Variants in MORC2 observed in about 807,000 individuals in gnomAD.
MORC2 encodes the protein ATPase MORC2.
MORC2 carries 30 observed loss-of-function variants against 136.0 expected under a neutral mutation model. The observed-to-expected ratio is 0.22, with a 90% CI of 0.17 to 0.30. The LOEUF (loss-of-function observed/expected upper bound fraction) is 0.30. Among genes scored for constraint, MORC2 ranks in the 10% least tolerant of loss-of-function variants. The pLI is 1.00. For missense variants in MORC2, 922 were observed against 1,333.1 expected, an observed-to-expected ratio of 0.69 and a Z score of 4.80; for synonymous variants, 439 against 487.0, an observed-to-expected ratio of 0.90 and a Z score of 1.30.
At position 30,937,459 on chromosome 22, in the gene MORC2, T is replaced by C; in HGVS notation, c.1498+124A>G. On this transcript the variant is annotated intron_variant, in intron 15 of 25. Transcript: ENST00000397641. The surrounding 1 kb of genome is among the most constrained non-coding windows in gnomAD (Gnocchi z 4.7). ...CTCACAGGGCCATCGTCAAACAGAC[T>C]TGGATCCCTAGGGGACTGTAAGTCC... 1 of 1,428,400 alleles carries C rather than the reference T, an allele frequency of 7.0e-7. No individual in the cohort carries two copies. The highest frequency in any genetic ancestry group is 1.4e-5 in the South Asian group (1 of 73,542). 88.5% of individuals were successfully genotyped at this position (1,428,400 alleles called of 1,614,324 possible).
intron 1 of MORC2, among the ~76,000 whole-genome samples, chr22:30,963,966 T>A (rs1481468091): frequency 1.3e-5 from 2 of 152,196 alleles, no homozygotes; most frequent in Non-Finnish European, 2.9e-5. Flanking sequence ...GGCTTTAATA[T>A]ATTTAAGATA....
chr22:30,927,076 G>A (rs968179873), intron 25 of MORC2, among the ~76,000 whole-genome samples: 7 of 151,602 alleles, frequency 4.6e-5, no homozygotes, highest in African/African-American at 1.2e-4. Context: ...GATTTCCTAC[G>A]CCCACCCTGC....
chr22:30,929,179 G>A (rs577402011), intron 24 of MORC2, among the ~76,000 whole-genome samples: 12 of 152,338 alleles, frequency 7.9e-5, no homozygotes, highest in Admixed American at 7.8e-4. Context: ...TGCCTTGGCA[G>A]CACAAAATAA....
At chr22:30,960,898 T>C (rs959375556) in intron 1 of MORC2, among the ~76,000 whole-genome samples, 4 of 150,648 alleles carry the variant, frequency 2.7e-5, no homozygotes, top group South Asian at 2.1e-4. Flanking sequence ...AGAGTCTCAC[T>C]GCGTCGCCCA....
rs77813344 is a variant in MORC2 at position 30,933,847 on chromosome 22, T to A, written c.2325+213A>T. Among the ~76,000 whole-genome samples, 353 of 152,278 alleles carry A rather than the reference T, an allele frequency of 2.3e-3. 1 individual carries two copies. Among genetic ancestry groups the A allele is most frequent in the South Asian group, 5.0e-3 (24 of 4,830 alleles). On this transcript the variant is annotated intron_variant, in intron 20 of 25. Coordinates refer to ENST00000397641, the MANE Select transcript of MORC2 (RefSeq NM_001303256.3). ...CACCATGTTTAGTCACTTGTGTAAC[T>A]GAGAGTCCTTGAGAGATCACTAGGC...
At chr22:30,962,675 T>C (rs538961590) in intron 1 of MORC2, among the ~76,000 whole-genome samples, 1 of 151,854 alleles carries the variant, frequency 6.6e-6, no homozygotes, top group Admixed American at 6.5e-5. Context: ...ATATTTCAGA[T>C]AAGCTAACAG....
intron 20 of MORC2, 75 bp downstream of exon 20, chr22:30,933,984 TG>T: frequency 1.3e-6 from 2 of 1,494,000 alleles, no homozygotes; most frequent in Non-Finnish European, 1.8e-6. Flanking sequence ...AGACTGCTGA[TG>T]GGGGGTGCAG....
chr22:30,960,372 G>C (rs546836414), intron 1 of MORC2, among the ~76,000 whole-genome samples: 4 of 152,252 alleles, frequency 2.6e-5, no homozygotes, highest in South Asian at 4.2e-4. Context: ...AAGGCAGCAC[G>C]ACAAATATGT....
chr22:30,934,698 C>T lies in MORC2; in HGVS notation c.2193+83G>A. 1 of 1,534,184 alleles carries T rather than the reference C, an allele frequency of 6.5e-7. No individual in the cohort carries two copies. Among genetic ancestry groups the T allele is most frequent in the Non-Finnish European group, 8.9e-7 (1 of 1,129,576 alleles). On this transcript the variant is annotated intron_variant, in intron 19 of 25. Transcript: ENST00000397641. The surrounding 1 kb of genome is among the most constrained non-coding windows in gnomAD (Gnocchi z 4.4). ...AGATTCAGTATCTTCCGAAGGCTCC[C>T]CCAGTACAGCTGTGACACTGCACAA...
intron 10 of MORC2, 105 bp from the exon 11 acceptor site, chr22:30,940,146 A>G: frequency 3.5e-6 from 4 of 1,135,992 alleles, no homozygotes; most frequent in Admixed American, 2.1e-5. Context: ...ACCACCAAGG[A>G]AAAAAAGAGT....
rs1425818676 is a variant in MORC2 at position 30,942,158 on chromosome 22, A to C, written c.540T>G (p.Thr180=). The C allele has an allele frequency of 6.2e-7, 1 of 1,614,162 alleles. No homozygotes were observed. The highest frequency in any genetic ancestry group is 1.7e-5 in the Admixed American group (1 of 60,018). ...TAAACTGGGTCATCACTTCCTCCTC[A>C]GTGCGGAATGGAGAGTACTTATAGA... The part of the protein sequence containing the change: ...ELIYKYSPFR[T]EEEVMTQFMK... Residue 180 remains threonine, a synonymous_variant, in exon 7 of 26, where the codon ACT becomes ACG. Coordinates refer to ENST00000397641, the MANE Select transcript of MORC2 (RefSeq NM_001303256.3).
At chr22:30,933,366 GA>G in intron 21 of MORC2, 99 bp downstream of exon 21, 1 of 1,343,064 alleles carries the variant, frequency 7.4e-7, no homozygotes, top group Non-Finnish European at 1.0e-6. Flanking sequence ...ACCCAGGACA[GA>G]TTCAATGAGC....
intron 1 of MORC2, among the ~76,000 whole-genome samples, chr22:30,959,693 T>G (rs1043984334): frequency 6.6e-6 from 1 of 152,176 alleles, no homozygotes; most frequent in Admixed American, 6.6e-5. Context: ...ACATAATACA[T>G]GACCATCAAT....
At chr22:30,967,643 A>C in intron 1 of MORC2, 179 bp downstream of exon 1, 1 of 1,391,916 alleles carries the variant, frequency 7.2e-7, no homozygotes, top group Non-Finnish European at 9.3e-7. Context: ...TGGATTAGCA[A>C]CAAGTATTTC....
chr22:30,968,407 G>A lies in MORC2; in HGVS notation c.-518C>T, dbSNP rs754659746. Reference sequence around the variant, plus strand: ...ATTCTTAAACAGGCCCAAGACCGGAGACCAAGATGTCGACGGAGTGTTATA... The same window carrying A: ...ATTCTTAAACAGGCCCAAGACCGGAAACCAAGATGTCGACGGAGTGTTATA... On this transcript the variant is annotated 5_prime_UTR_variant, in exon 1 of 26. Transcript: ENST00000397641. The A allele has an allele frequency of 1.3e-5, 2 of 153,324 alleles. No homozygotes were observed. Among genetic ancestry groups the A allele is most frequent in the Admixed American group, 6.5e-5 (1 of 15,364 alleles). 9.5% of individuals were successfully genotyped at this position (153,324 alleles called of 1,614,324 possible).
At chr22:30,950,500 A>G (rs1018092784) in intron 3 of MORC2, 55 bp from the exon 4 acceptor site, 12 of 1,541,094 alleles carry the variant, frequency 7.8e-6, no homozygotes, top group African/African-American at 2.7e-5. Flanking sequence ...GGGTGGCAAC[A>G]TGCCTATGAT....
In MORC2 at chr22:30,939,928, T is replaced by C. The variant is rs1209292325; in HGVS notation, c.987+31A>G. 3.1e-6 allele frequency: 5 copies of C among 1,606,300 alleles called. No homozygotes were observed. In the African/African-American group the frequency reaches 6.7e-5, roughly 21 times the overall value. On this transcript the variant is annotated intron_variant, in intron 11 of 25. Coordinates refer to ENST00000397641, the MANE Select transcript of MORC2 (RefSeq NM_001303256.3). ...CATGGGCTCCTAGTGCCAGAAACGC[T>C]GGAGAACAGCCGCCTGGGCCGGGAC...
intron 25 of MORC2, 125 bp downstream of exon 25, chr22:30,927,878 TGCCAGGGTGCTGTGCA>T: frequency 9.8e-7 from 1 of 1,021,904 alleles, no homozygotes; most frequent in Non-Finnish European, 1.4e-6. Context: ...CAAGCCCTCC[TGCCAGGGTGCTGTGCA>T]GCCAGGGTGA....
rs1602491103 is a variant in MORC2, at chr22:30,941,783, C to G, written c.698+108G>C. Reference sequence around the variant, plus strand: ...TGAGCTGGCCCTACATACTACCCTACCACAGAACACTGGGCAATGAATGTG... The same window carrying G: ...TGAGCTGGCCCTACATACTACCCTAGCACAGAACACTGGGCAATGAATGTG... On this transcript the variant is annotated intron_variant, in intron 8 of 25. Coordinates refer to ENST00000397641, the MANE Select transcript of MORC2 (RefSeq NM_001303256.3). This position sits in a 1 kb window ranked among gnomAD's most constrained non-coding sequence, Gnocchi z 4.6. 8.3e-7 allele frequency: 1 copy of G among 1,198,080 alleles called. No homozygotes were observed. Among genetic ancestry groups the G allele is most frequent in the African/African-American group, 1.5e-5 (1 of 66,940 alleles). The allele number at this position is 1,198,080 out of a possible 1,614,324, so 74.2% of individuals were successfully genotyped here. A position where few individuals can be genotyped will look rare whatever the true frequency, so the allele number is the denominator to read the frequency against.
Sources: gnomAD v4.1 joint callset for allele counts (sites outside exome capture counted in the v4.1 genomes callset) on GRCh38, gnomAD v4.1.1 for gene constraint, Gnocchi (gnomAD v3.1) non-coding constraint, MANE v1.5 for transcripts, NCBI Gene and HGNC (gene_info 2026-07-23, HGNC 2026-07-21) for gene names.